TBC1D2B: variants seen among roughly 807,000 people sequenced by gnomAD.
The protein encoded by TBC1D2B is TBC1 domain family member 2B.
Under a neutral mutation model 100.8 loss-of-function variants are expected in TBC1D2B, and 64 were observed. The ratio of observed to expected loss-of-function variants is 0.64; its 90% CI spans 0.52 to 0.78. The LOEUF (loss-of-function observed/expected upper bound fraction) is 0.78, where lower values mean the gene tolerates loss of function less well. TBC1D2B is among the 30% of genes least tolerant of loss of function. The pLI is 0.00. For synonymous variants in TBC1D2B, 480 were observed against 479.7 expected (o/e 1.00, Z -0.01); for missense variants, 1,052 against 1,218.4 (o/e 0.86, Z 2.03).
chr15:78,026,472 C>T (rs1345536818), intron 4 of TBC1D2B, among the ~76,000 whole-genome samples: 2 of 152,216 alleles, frequency 1.3e-5, no homozygotes, highest in Non-Finnish European at 2.9e-5. Context: ...ATGCCAGTGC[C>T]ATGCTTTTGG....
At chr15:78,074,416 T>C (rs1393731904) in intron 1 of TBC1D2B, among the ~76,000 whole-genome samples, 4 of 152,196 alleles carry the variant, frequency 2.6e-5, no homozygotes, top group Non-Finnish European at 5.9e-5. Flanking sequence ...GTGACCAATT[T>C]AATTTTACAT....
At chr15:78,037,519 G>A (rs946768778) in intron 3 of TBC1D2B, among the ~76,000 whole-genome samples, 5 of 152,090 alleles carry the variant, frequency 3.3e-5, no homozygotes, top group Admixed American at 6.5e-5. Flanking sequence ...TCACGGGCTC[G>A]CCTGCCTGTC....
intron 3 of TBC1D2B, among the ~76,000 whole-genome samples, chr15:78,043,387 C>G (rs1351497280): frequency 2.0e-5 from 3 of 152,130 alleles, no homozygotes; most frequent in African/African-American, 7.2e-5. Context: ...GCCACTACAA[C>G]CTTTCTCTTT....
chr15:78,058,661 C>G (rs1306060061), intron 1 of TBC1D2B, among the ~76,000 whole-genome samples: 1 of 152,232 alleles, frequency 6.6e-6, no homozygotes, highest in Non-Finnish European at 1.5e-5. Context: ...CAGGACCACA[C>G]AGCATTCACC....
chr15:77,995,434 G>C lies in TBC1D2B; in HGVS notation c.*2726C>G, dbSNP rs950546545. On this transcript the variant is annotated 3_prime_UTR_variant, in exon 13 of 13. Coordinates refer to ENST00000300584, the MANE Select transcript of TBC1D2B (RefSeq NM_144572.2). The stretch of plus-strand genomic sequence containing the variant: ...CGCCCGAGGCTATCTGGGGTAAGAA[G>C]TGGGCCTGCACATCACATCGGTGAG... 1.4e-4 allele frequency: 21 copies of C among 152,390 alleles called. No homozygotes were observed. Among genetic ancestry groups the C allele is most frequent in the African/African-American group, 4.3e-4 (18 of 41,444 alleles). 9.4% of individuals were successfully genotyped at this position (152,390 alleles called of 1,614,324 possible).
intron 12 of TBC1D2B, chr15:77,999,230 C>T: frequency 4.5e-6 from 2 of 448,646 alleles, no homozygotes; most frequent in Admixed American, 2.4e-5. Flanking sequence ...TCACCAGCCC[C>T]AGGAAAAGCT....
intron 3 of TBC1D2B, among the ~76,000 whole-genome samples, chr15:78,036,328 A>G (rs2072945039): frequency 6.6e-6 from 1 of 152,242 alleles, no homozygotes. Context: ...GTCAGGTGGC[A>G]GGCCTGCAAG....
chr15:78,021,878 C>G (rs531516405), intron 6 of TBC1D2B, among the ~76,000 whole-genome samples: 7 of 152,182 alleles, frequency 4.6e-5, no homozygotes, highest in Non-Finnish European at 8.8e-5. Flanking sequence ...GCTCCGTTAG[C>G]TGTCTACAGA....
chr15:78,043,504 A>AT (rs1279032332), intron 3 of TBC1D2B, among the ~76,000 whole-genome samples: 1 of 151,950 alleles, frequency 6.6e-6, no homozygotes. Flanking sequence ...GCCTCAAGTG[A>AT]TTTTCCCACC....
At chr15:78,010,294 A>G (rs1242086232) in intron 9 of TBC1D2B, among the ~76,000 whole-genome samples, 1 of 152,120 alleles carries the variant, frequency 6.6e-6, no homozygotes, top group Admixed American at 6.6e-5. Context: ...GCTGTCACTA[A>G]TCAATAGCCC....
chr15:78,015,447 A>G (rs2072347211), intron 8 of TBC1D2B, among the ~76,000 whole-genome samples: 1 of 152,234 alleles, frequency 6.6e-6, no homozygotes, highest in Admixed American at 6.5e-5. Context: ...TAAAATTTGA[A>G]CACACAATAT....
In TBC1D2B at chr15:78,008,069, T is replaced by A. The variant is rs1029998360; in HGVS notation, c.2388+928A>T. Among the ~76,000 whole-genome samples the A allele has an allele frequency of 4.6e-5, 7 of 152,170 alleles. No individual in the cohort carries two copies. In the East Asian group the frequency reaches 1.3e-3, roughly 29 times the overall value. ...GGGCAGGCACACACGGGGACAGCTG[T>A]GGCTAAGAGAGAAGCTGCCTGAGTC... On this transcript the variant is annotated intron_variant, in intron 10 of 12. Coordinates refer to ENST00000300584, the MANE Select transcript of TBC1D2B (RefSeq NM_144572.2).
chr15:78,032,982 C>A (rs1466365606), intron 3 of TBC1D2B, among the ~76,000 whole-genome samples: 1 of 152,100 alleles, frequency 6.6e-6, no homozygotes, highest in Non-Finnish European at 1.5e-5. Context: ...TGATGTAAAC[C>A]ATCAATCCAC....
chr15:78,050,660 G>A (rs1343858565), intron 2 of TBC1D2B, among the ~76,000 whole-genome samples: 2 of 152,200 alleles, frequency 1.3e-5, no homozygotes, highest in African/African-American at 4.8e-5. Context: ...AGACACAGAA[G>A]ACAATGTAGA....
chr15:78,001,804 C>T, intron 11 of TBC1D2B, 64 bp from the exon 12 acceptor site: 22 of 1,534,100 alleles, frequency 1.4e-5, no homozygotes, highest in Non-Finnish European at 1.9e-5. Context: ...CAAGGCTGGA[C>T]TCCAGGGGGG....
chr15:78,037,739 GA>G (rs1596319960), intron 3 of TBC1D2B, among the ~76,000 whole-genome samples: 1 of 152,140 alleles, frequency 6.6e-6, no homozygotes, highest in South Asian at 2.1e-4. Flanking sequence ...AAGGAGTGAG[GA>G]AATCAATTTT....
chr15:78,014,915 G>A (rs35102321), intron 8 of TBC1D2B, among the ~76,000 whole-genome samples: 2 of 152,198 alleles, frequency 1.3e-5, no homozygotes, highest in African/African-American at 4.8e-5. Context: ...AAATATTCCA[G>A]AAAAGGCTGG....
chr15:78,038,374 G>A (rs1435422243), intron 3 of TBC1D2B, among the ~76,000 whole-genome samples: 1 of 152,232 alleles, frequency 6.6e-6, no homozygotes, highest in Non-Finnish European at 1.5e-5. Context: ...AGAATGAGCA[G>A]AAGTAACCAG....
At chr15:78,028,608 C>A (rs1413268515) in intron 4 of TBC1D2B, among the ~76,000 whole-genome samples, 2 of 152,114 alleles carry the variant, frequency 1.3e-5, no homozygotes, top group East Asian at 3.8e-4. Context: ...AGAGAGAAAC[C>A]AGACATGATG....
Sources: gnomAD v4.1 joint callset for allele counts (sites outside exome capture counted in the v4.1 genomes callset) on GRCh38, gnomAD v4.1.1 for gene constraint, MANE v1.5 for transcripts, NCBI Gene and HGNC (gene_info 2026-07-23, HGNC 2026-07-21) for gene names.